Variants in DPH6 observed in about 807,000 individuals in gnomAD.
The protein encoded by DPH6 is diphthamine biosynthesis 6.
A neutral mutation model predicts 38.2 loss-of-function variants in DPH6; 33 were observed. That is an observed-to-expected ratio of 0.86 (90% confidence interval 0.65 to 1.15). DPH6 has a LOEUF of 1.15. Ranked by LOEUF, DPH6 falls within the 50% of genes most tolerant of loss-of-function variation. The pLI, the probability that DPH6 is intolerant of heterozygous loss-of-function variation, is 0.00. For missense variants in DPH6, 325 were observed against 320.0 expected (o/e 1.02, Z -0.12); for synonymous variants, 108 against 103.0 (o/e 1.05, Z -0.30).
intron 3 of DPH6, among the ~76,000 whole-genome samples, chr15:35,322,220 C>G (rs150690982): frequency 1.8e-3 from 270 of 152,280 alleles, no homozygotes; most frequent in Non-Finnish European, 3.1e-3. Context: ...CACATGATAT[C>G]TTGAGCAGTA....
At chr15:35,470,774 G>A (rs1165662815) in intron 3 of DPH6, among the ~76,000 whole-genome samples, 1 of 152,090 alleles carries the variant, frequency 6.6e-6, no homozygotes, top group African/African-American at 2.4e-5. Context: ...TAAAAGTACG[G>A]AGTGAACTTA....
At chr15:35,478,736 AGTCAT>A (rs1273936634) in intron 3 of DPH6, among the ~76,000 whole-genome samples, 6 of 151,974 alleles carry the variant, frequency 3.9e-5, no homozygotes, top group African/African-American at 1.4e-4. Context: ...GAGCACCAAT[AGTCAT>A]TTGCAATATT....
chr15:35,489,597 C>T (rs2054449728), intron 3 of DPH6: 1 of 982,340 alleles, frequency 1.0e-6, no homozygotes, highest in Non-Finnish European at 1.2e-6. Context: ...AAATACCTAC[C>T]CAAGAGCAAA....
the DPH6 span, among the ~76,000 whole-genome samples, chr15:35,159,146 T>A: frequency 2.0e-5 from 3 of 152,234 alleles, no homozygotes; most frequent in East Asian, 5.8e-4. Flanking sequence ...GCTAATGAGC[T>A]TGCCTCTTAT....
chr15:35,521,328 T>C (rs981823), intron 3 of DPH6: 726,979 of 1,001,768 alleles, frequency 0.73, 272,501 homozygotes, highest in South Asian at 0.82. Flanking sequence ...AACAACCTTT[T>C]TTAATGAATG....
chr15:35,339,261 T>G lies in DPH6; in HGVS notation n.208-8184A>C, dbSNP rs549867315. Among the ~76,000 whole-genome samples the G allele has an allele frequency of 2.0e-4, 30 of 151,632 alleles. No individual in the cohort carries two copies. In the East Asian group the frequency reaches 5.6e-3, roughly 28 times the overall value. On this transcript the variant is annotated intron_variant and non_coding_transcript_variant, in intron 3 of 3. Coordinates refer to the DPH6 transcript ENST00000558973. ...CTGCATCCCAGAGATTCTGATACAT[T>G]GTCTCTTTGTTCTCATTAGTTTCAA...
chr15:35,204,468 T>G, the DPH6 span, among the ~76,000 whole-genome samples: 1 of 151,774 alleles, frequency 6.6e-6, no homozygotes, highest in African/African-American at 2.4e-5. Flanking sequence ...AAATGCAATT[T>G]TAATATTCTT....
At chr15:35,465,536 A>G (rs924898328) in intron 3 of DPH6, among the ~76,000 whole-genome samples, 6 of 152,252 alleles carry the variant, frequency 3.9e-5, no homozygotes, top group African/African-American at 1.4e-4. Context: ...GGCTAATAAA[A>G]ATAACCAAAG....
At chr15:35,299,449 C>T (rs536060091) in intron 3 of DPH6, 4 of 777,310 alleles carry the variant, frequency 5.1e-6, no homozygotes, top group South Asian at 4.0e-5. Context: ...ATCTTTTCTT[C>T]GGTTTAATGC....
chr15:35,334,011 C>T (rs1158305644), intron 3 of DPH6, among the ~76,000 whole-genome samples: 1 of 152,040 alleles, frequency 6.6e-6, no homozygotes, highest in East Asian at 1.9e-4. Context: ...ATCCAGCAAA[C>T]TAACATAGGA....
At chr15:35,439,784 A>AG (rs2053763937) in intron 5 of DPH6, among the ~76,000 whole-genome samples, 1 of 151,582 alleles carries the variant, frequency 6.6e-6, no homozygotes, top group Non-Finnish European at 1.5e-5. Flanking sequence ...GCTTTAAAAA[A>AG]GGAAAAAAAA....
intron 1 of DPH6, 56 bp from the exon 2 acceptor site, chr15:35,542,563 T>A: frequency 7.0e-7 from 1 of 1,427,526 alleles, no homozygotes. Flanking sequence ...TTATTCAACA[T>A]AAAATCACTA....
At chr15:35,307,507 T>C (rs1400015230) in intron 3 of DPH6, among the ~76,000 whole-genome samples, 2 of 152,092 alleles carry the variant, frequency 1.3e-5, no homozygotes, top group African/African-American at 4.8e-5. Context: ...CTGTTTTTCC[T>C]GAGGAAAAAC....
chr15:35,265,256 A>T (rs1257859280), intron 3 of DPH6, among the ~76,000 whole-genome samples: 1 of 152,224 alleles, frequency 6.6e-6, no homozygotes, highest in African/African-American at 2.4e-5. Flanking sequence ...AAAGGACAGT[A>T]TAAGTGTAAG....
At chr15:35,279,952 G>A (rs2051887629) in intron 3 of DPH6, among the ~76,000 whole-genome samples, 1 of 151,928 alleles carries the variant, frequency 6.6e-6, no homozygotes, top group South Asian at 2.1e-4. Flanking sequence ...AGAGAATGAG[G>A]GAGTAATCTC....
intron 3 of DPH6, among the ~76,000 whole-genome samples, chr15:35,297,882 T>C (rs1805564929): frequency 6.6e-6 from 1 of 152,146 alleles, no homozygotes; most frequent in African/African-American, 2.4e-5. Flanking sequence ...ACCATTTATT[T>C]GGTGGCCAAG....
chr15:35,490,413 T>C (rs2054461231), intron 3 of DPH6, among the ~76,000 whole-genome samples: 2 of 152,214 alleles, frequency 1.3e-5, no homozygotes, highest in Non-Finnish European at 1.5e-5. Flanking sequence ...CATATGTGTG[T>C]GACCACATAA....
At chr15:35,279,814 C>T (rs760145202) in intron 3 of DPH6, among the ~76,000 whole-genome samples, 1 of 152,106 alleles carries the variant, frequency 6.6e-6, no homozygotes, top group Non-Finnish European at 1.5e-5. Context: ...ACTAACTCCC[C>T]ACCCCCCAAA....
chr15:35,362,863 A>G (rs1446050624), intron 3 of DPH6, among the ~76,000 whole-genome samples: 1 of 152,188 alleles, frequency 6.6e-6, no homozygotes, highest in Non-Finnish European at 1.5e-5. Flanking sequence ...TAGAGTTCTC[A>G]TAAAGGCTCT....
Sources: allele counts gnomAD v4.1 joint callset (sites outside exome capture counted in the v4.1 genomes callset), GRCh38; gene constraint gnomAD v4.1.1; transcripts MANE v1.5; gene names NCBI Gene and HGNC (gene_info 2026-07-23, HGNC 2026-07-21).